SPPL2B: variants seen among roughly 807,000 people sequenced by gnomAD.
The protein encoded by SPPL2B is signal peptide peptidase like 2B, also known as signal peptide peptidase-like 2B.
Under a neutral mutation model 59.7 loss-of-function variants are expected in SPPL2B, and 39 were observed. That is an observed-to-expected ratio of 0.65 (90% CI 0.51 to 0.85). The LOEUF is 0.85. Among genes scored for constraint, SPPL2B ranks in the 40% least tolerant of loss-of-function variants. The pLI, the probability that SPPL2B is intolerant of heterozygous loss-of-function variation, is 0.00. For missense variants in SPPL2B, 865 were observed against 849.0 expected (o/e 1.02, Z -0.23); for synonymous variants, 419 against 370.8 (o/e 1.13, Z -1.49).
At position 2,351,691 on chromosome 19, in the gene SPPL2B, C is replaced by T. The variant is rs551150413; in HGVS notation, c.1515+97C>T. The T allele has an allele frequency of 2.7e-5, 40 of 1,478,082 alleles. 1 individual carries two copies. Among genetic ancestry groups the T allele is most frequent in the Middle Eastern group, 1.8e-4 (1 of 5,446 alleles). 91.6% of individuals were successfully genotyped at this position (1,478,082 alleles called of 1,614,324 possible). A position where few individuals can be genotyped will look rare whatever the true frequency, so the allele number is the denominator to read the frequency against. On this transcript the variant is annotated intron_variant, in intron 14 of 14. Transcript: ENST00000613503. Reference sequence around the variant, plus strand: ...AGACCTCCAGCCACAGCCAGCCCTGCGGCCGCGACGGGGCTCAGGGTCCTG... The same window carrying T: ...AGACCTCCAGCCACAGCCAGCCCTGTGGCCGCGACGGGGCTCAGGGTCCTG...
chr19:2,341,634 C>T (rs1214149531), intron 8 of SPPL2B: 2 of 455,836 alleles, frequency 4.4e-6, no homozygotes, highest in Admixed American at 4.7e-5. Context: ...TCCTCCCAGC[C>T]TTCCTGAGGC....
chr19:2,342,666 A>C (rs1969122965), intron 8 of SPPL2B: 1 of 153,416 alleles, frequency 6.5e-6, no homozygotes, highest in Non-Finnish European at 1.5e-5. Flanking sequence ...AACAAAATAA[A>C]AACAGTTTGG....
intron 9 of SPPL2B, 95 bp from the exon 10 acceptor site, chr19:2,343,870 G>A: frequency 1.1e-6 from 1 of 939,830 alleles, no homozygotes; most frequent in Non-Finnish European, 1.7e-6. Context: ...TTCCTTTAAA[G>A]GCTGCCTCCC....
Position 2,341,019 on chromosome 19 carries a change from G to A in SPPL2B, c.956+5G>A. The A allele has an allele frequency of 1.3e-6, 2 of 1,599,970 alleles. No individual in the cohort carries two copies. The highest frequency in any genetic ancestry group is 1.3e-5 in the African/African-American group (1 of 74,962). ...CGTCTTCCGCAACGAGGACCAGTAAGTGCTGCTTCCCCCGGGCCCCGGCGG... is the reference window on the plus strand; with the variant it reads ...CGTCTTCCGCAACGAGGACCAGTAAATGCTGCTTCCCCCGGGCCCCGGCGG... On this transcript the variant is annotated splice_donor_5th_base_variant and intron_variant, in intron 8 of 14. Coordinates refer to ENST00000613503, the MANE Select transcript of SPPL2B (RefSeq NM_152988.3).
chr19:2,350,919 C>G (rs1379689475), intron 13 of SPPL2B, among the ~76,000 whole-genome samples: 4 of 152,238 alleles, frequency 2.6e-5, no homozygotes, highest in African/African-American at 9.6e-5. Context: ...TCTCAGGGGA[C>G]TGGGGGCACG....
chr19:2,334,617 G>A lies in SPPL2B; in HGVS notation c.82G>A (p.Gly28Ser), dbSNP rs377325090. Residue 28 changes from glycine to serine, a missense_variant, in exon 2 of 15, where the codon GGC (glycine) becomes AGC (serine). Coordinates refer to ENST00000613503, the MANE Select transcript of SPPL2B (RefSeq NM_152988.3). The part of the protein sequence containing the change: ...LLAAQVACEY[G>S]MVHVVSQAGG... Reference sequence around the variant, plus strand: ...TGTCCTGCAGGTGGCCTGTGAGTACGGCATGGTGCACGTGGTCTCCCAGGC... The same window carrying A: ...TGTCCTGCAGGTGGCCTGTGAGTACAGCATGGTGCACGTGGTCTCCCAGGC... 7.4e-5 allele frequency: 120 copies of A among 1,612,246 alleles called. No homozygotes were observed. Among genetic ancestry groups the A allele is most frequent in the Non-Finnish European group, 8.4e-5 (99 of 1,179,326 alleles).
intron 13 of SPPL2B, among the ~76,000 whole-genome samples, chr19:2,347,177 C>CACTT (rs1250083762): frequency 2.0e-5 from 3 of 146,846 alleles, no homozygotes; most frequent in Non-Finnish European, 4.4e-5. Context: ...TCTCCACACA[C>CACTT]ACGCGCTCTC....
chr19:2,339,287 A>C lies in SPPL2B; in HGVS notation c.599+79A>C, dbSNP rs1968869853. On this transcript the variant is annotated intron_variant, in intron 5 of 14. Coordinates refer to ENST00000613503, the MANE Select transcript of SPPL2B (RefSeq NM_152988.3). ...GCCGGGACGGCCAGTCTTCCAGAAC[A>C]GCAGTGAGTGCTTTGGCCTCGGCAG... 10 of 1,504,654 alleles carry C rather than the reference A, an allele frequency of 6.6e-6. No homozygotes were observed. In the South Asian group the frequency reaches 1.2e-4, roughly 18 times the overall value. The allele number at this position is 1,504,654 out of a possible 1,614,324, so 93.2% of individuals were successfully genotyped here.
At chr19:2,333,003 G>A (rs1484023070) in intron 1 of SPPL2B, among the ~76,000 whole-genome samples, 6 of 124,078 alleles carry the variant, frequency 4.8e-5, no homozygotes, top group Admixed American at 8.0e-5. Flanking sequence ...AGGTGCGGGC[G>A]GCTGGACTGG....
chr19:2,355,011 G>C lies in SPPL2B; in HGVS notation c.*1802G>C, dbSNP rs1285743497. ...CATGTGGTCCCTGTCACGCTTCTCA[G>C]CTCTGCCACTGTTGCTGGAAAGCAT... On this transcript the variant is annotated 3_prime_UTR_variant, in exon 15 of 15. Coordinates refer to ENST00000613503, the MANE Select transcript of SPPL2B (RefSeq NM_152988.3). Among the ~76,000 whole-genome samples the C allele has an allele frequency of 6.6e-6, 1 of 152,196 alleles. No homozygotes were observed. The highest frequency in any genetic ancestry group is 2.4e-5 in the African/African-American group (1 of 41,450).
chr19:2,349,044 C>T (rs1969708403), intron 13 of SPPL2B, among the ~76,000 whole-genome samples: 2 of 20,392 alleles, frequency 9.8e-5, no homozygotes, highest in African/African-American at 4.3e-4. Flanking sequence ...CACACACTCA[C>T]GCGCTCTCAT....
In SPPL2B at chr19:2,344,408, C is replaced by T; in HGVS notation, c.1160C>T (p.Ser387Leu). The T allele has an allele frequency of 1.3e-6, 2 of 1,568,674 alleles. No individual in the cohort carries two copies. The highest frequency in any genetic ancestry group is 1.7e-6 in the Non-Finnish European group (2 of 1,157,502). ...GAGGTGGCCACTGGGCCCTCGGACT[C>T]AGCCACCCGTGAGAAGGTGTGTCTT... ...MVEVATGPSD[S>L]ATREKLPMVL... The change falls in exon 11 of 15, where the codon TCA becomes TTA. Residue 387 changes from serine to leucine, a missense_variant. Physicochemically the swap from Ser to Leu is moderately radical, Grantham distance 145. Coordinates refer to ENST00000613503, the MANE Select transcript of SPPL2B (RefSeq NM_152988.3).
rs1014316253 is a variant in SPPL2B at position 2,353,332 on chromosome 19, C to T, written c.*123C>T. 1.1e-5 allele frequency: 13 copies of T among 1,210,982 alleles called. No individual in the cohort carries two copies. Among genetic ancestry groups the T allele is most frequent in the South Asian group, 6.3e-5 (4 of 63,366 alleles). The allele number at this position is 1,210,982 out of a possible 1,614,324, so 75.0% of individuals were successfully genotyped here. On this transcript the variant is annotated 3_prime_UTR_variant, in exon 15 of 15. Transcript: ENST00000613503. The stretch of plus-strand genomic sequence containing the variant: ...GACCGAGGCCTGTGCCGTCCCCACC[C>T]GCCCCAACATGGTGCTCATCCTTGC...
intron 8 of SPPL2B, 45 bp downstream of exon 8, chr19:2,341,059 G>A (rs940268684): frequency 2.9e-5 from 40 of 1,389,552 alleles, no homozygotes; most frequent in Middle Eastern, 1.7e-4. Context: ...CGGAGTCCTC[G>A]GGTGCACCAG....
chr19:2,340,050 C>T, intron 6 of SPPL2B, 26 bp from the exon 7 acceptor site: 1 of 1,576,680 alleles, frequency 6.3e-7, no homozygotes, highest in Non-Finnish European at 8.6e-7. Flanking sequence ...GGCCTGGCCC[C>T]CGGCCTCACG....
intron 2 of SPPL2B, among the ~76,000 whole-genome samples, chr19:2,336,829 A>G (rs1320745626): frequency 1.0e-4 from 11 of 105,354 alleles, no homozygotes; most frequent in African/African-American, 1.5e-4. Flanking sequence ...GGCTGCGGCT[A>G]TGTGCGTGTG....
intron 13 of SPPL2B, among the ~76,000 whole-genome samples, chr19:2,346,753 C>G (rs1305267059): frequency 2.0e-5 from 3 of 152,196 alleles, no homozygotes; most frequent in Admixed American, 2.0e-4. Context: ...CAAGTTGTCC[C>G]TGTAATTCCT....
intron 2 of SPPL2B, among the ~76,000 whole-genome samples, chr19:2,335,049 A>G (rs567670414): frequency 1.6e-4 from 25 of 152,252 alleles, no homozygotes; most frequent in African/African-American, 5.8e-4. Context: ...AGCAGAGGGC[A>G]CAGTGGGGCC....
At chr19:2,333,234 C>T (rs1476252577) in intron 1 of SPPL2B, among the ~76,000 whole-genome samples, 1 of 117,328 alleles carries the variant, frequency 8.5e-6, no homozygotes, top group Admixed American at 8.7e-5. Context: ...GTGGGGATGG[C>T]AGGTGCGGGC....
Sources: gnomAD v4.1 joint callset for allele counts (sites outside exome capture counted in the v4.1 genomes callset) on GRCh38, gnomAD v4.1.1 for gene constraint, MANE v1.5 for transcripts, NCBI Gene and HGNC (gene_info 2026-07-23, HGNC 2026-07-21) for gene names.